The following C10orf143 variants were observed in gnomAD, a reference collection of about 807,000 sequenced individuals.
C10orf143 encodes the protein chromosome 10 open reading frame 143, also known as uncharacterized protein C10orf143.
intron 1 of C10orf143, 112 bp downstream of exon 1, chr10:130,110,592 G>C (rs1195627896): frequency 5.0e-6 from 2 of 397,764 alleles, no homozygotes; most frequent in Non-Finnish European, 8.9e-6. Context: ...CGAGTGTCTT[G>C]GGCCAGGCCT....
intron 3 of C10orf143, among the ~76,000 whole-genome samples, chr10:130,076,958 G>A (rs1251644612): frequency 2.0e-5 from 3 of 152,090 alleles, no homozygotes; most frequent in Admixed American, 6.5e-5. Context: ...AGGAGCGGAC[G>A]CCCTGATGCT....
chr10:130,095,455 A>G (rs1861447257), intron 1 of C10orf143, among the ~76,000 whole-genome samples: 1 of 152,232 alleles, frequency 6.6e-6, no homozygotes, highest in African/African-American at 2.4e-5. Flanking sequence ...TAAATTTCAT[A>G]TGGAACCAAA....
In C10orf143 at chr10:130,046,623, C is replaced by T. The variant is rs117594167; in HGVS notation, c.298-10653G>A. Among the ~76,000 whole-genome samples the T allele has an allele frequency of 3.5e-3, 536 of 152,206 alleles. 4 individuals carry two copies. Among genetic ancestry groups the T allele is most frequent in the Non-Finnish European group, 5.1e-3 (346 of 67,998 alleles). On this transcript the variant is annotated intron_variant and NMD_transcript_variant, in intron 3 of 5. Coordinates refer to the C10orf143 transcript ENST00000643056. ...ATAGATCAAATGGTGGTGGTCTCTC[C>T]GGGGAAACACACTTCAGATAGGAAG...
chr10:130,083,899 G>A (rs532325774), intron 1 of C10orf143, among the ~76,000 whole-genome samples: 1 of 152,000 alleles, frequency 6.6e-6, no homozygotes, highest in Non-Finnish European at 1.5e-5. Flanking sequence ...AAAAATGTAA[G>A]TAAACCAAGA....
At chr10:130,078,755 A>G (rs779530393) in intron 3 of C10orf143, among the ~76,000 whole-genome samples, 2 of 152,234 alleles carry the variant, frequency 1.3e-5, no homozygotes, top group Non-Finnish European at 2.9e-5. Context: ...CAGTATGTCA[A>G]TTGAGGATCT....
At chr10:130,036,320 G>A (rs970914715) in intron 3 of C10orf143, among the ~76,000 whole-genome samples, 1 of 152,180 alleles carries the variant, frequency 6.6e-6, no homozygotes, top group South Asian at 2.1e-4. Flanking sequence ...GGTCTTCCAG[G>A]CCCGATAGGT....
At chr10:130,054,611 C>T (rs968682124) in intron 3 of C10orf143, among the ~76,000 whole-genome samples, 2 of 152,190 alleles carry the variant, frequency 1.3e-5, no homozygotes, top group Non-Finnish European at 2.9e-5. Flanking sequence ...TTTTCCATAG[C>T]GGCTGCACCA....
At chr10:130,060,815 T>C (rs1590011684), downstream of C10orf143, among the ~76,000 whole-genome samples, 3 of 71,224 alleles carry the variant, frequency 4.2e-5, no homozygotes, top group African/African-American at 6.0e-5. Flanking sequence ...AGAGCGAGAC[T>C]CCGTCTCAAA....
Position 130,058,220 on chromosome 10 carries a change from C to T in C10orf143, c.297+21346G>A, listed in dbSNP as rs180866619. ...TAACCAGACACCCACCCCTACTCCACCACCCCACAATCCATGTGCAGTTCT... is the reference window on the plus strand; with the variant it reads ...TAACCAGACACCCACCCCTACTCCATCACCCCACAATCCATGTGCAGTTCT... On this transcript the variant is annotated intron_variant and NMD_transcript_variant, in intron 3 of 5. Transcript: ENST00000643056. Among the ~76,000 whole-genome samples the T allele has an allele frequency of 1.0e-3, 154 of 152,266 alleles. No individual in the cohort carries two copies. The Middle Eastern group carries it at 0.01, about 10-fold the overall frequency.
Position 130,039,429 on chromosome 10 carries a change from G to A in C10orf143, c.298-3459C>T, listed in dbSNP as rs555097404. On this transcript the variant is annotated intron_variant and NMD_transcript_variant, in intron 3 of 5. Coordinates refer to the C10orf143 transcript ENST00000643056. Reference sequence around the variant, plus strand: ...TGGAAAACCAGGAGCACCAGCATCCGAGGGCAGGAGAAGATGGGCAGCCCA... The same window carrying A: ...TGGAAAACCAGGAGCACCAGCATCCAAGGGCAGGAGAAGATGGGCAGCCCA... Among the ~76,000 whole-genome samples, 304 of 152,168 alleles carry A rather than the reference G, an allele frequency of 2.0e-3. 3 individuals are homozygous for A. Among genetic ancestry groups the A allele is most frequent in the African/African-American group, 6.9e-3 (288 of 41,528 alleles).
In C10orf143 at chr10:130,056,366, T is replaced by C. The variant is rs1860795531; in HGVS notation, c.298-20396A>G. On this transcript the variant is annotated intron_variant and NMD_transcript_variant, in intron 3 of 5. Transcript: ENST00000643056. The surrounding 1 kb of genome is among the most constrained non-coding windows in gnomAD (Gnocchi z 4.6). ...ATGAGCAGGATGAGGGCAGCACCCC[T>C]GAGAGCCGCTGCATGCACAGGGCTC... Among the ~76,000 whole-genome samples, 1 of 152,110 alleles carries C rather than the reference T, an allele frequency of 6.6e-6. No individual in the cohort carries two copies. The highest frequency in any genetic ancestry group is 1.5e-5 in the Non-Finnish European group (1 of 68,012).
At chr10:130,040,276 G>A (rs758278414) in intron 3 of C10orf143, among the ~76,000 whole-genome samples, 4 of 152,176 alleles carry the variant, frequency 2.6e-5, no homozygotes, top group Non-Finnish European at 4.4e-5. Flanking sequence ...AAAGAGCACC[G>A]AGGACCATAT....
intron 1 of C10orf143, chr10:130,107,418 C>A: frequency 8.2e-7 from 1 of 1,219,854 alleles, no homozygotes; most frequent in Non-Finnish European, 1.2e-6. Context: ...GAGAAAAAGG[C>A]ACATCATAAC....
chr10:130,089,221 A>T (rs1456333653), intron 1 of C10orf143, among the ~76,000 whole-genome samples: 1 of 152,236 alleles, frequency 6.6e-6, no homozygotes, highest in Admixed American at 6.5e-5. Flanking sequence ...CTTGTTGAGG[A>T]TTAATTTTAG....
chr10:130,072,731 T>C (rs1861053812), intron 3 of C10orf143, among the ~76,000 whole-genome samples: 2 of 152,222 alleles, frequency 1.3e-5, no homozygotes, highest in Non-Finnish European at 2.9e-5. Context: ...GTCACACAAA[T>C]TTTTTGGTTT....
chr10:130,110,814 C>G lies in C10orf143; in HGVS notation c.-42G>C, dbSNP rs986086853. 1 of 398,862 alleles carries G rather than the reference C, an allele frequency of 2.5e-6. No homozygotes were observed. The highest frequency in any genetic ancestry group is 3.6e-5 in the East Asian group (1 of 28,072). The allele number at this position is 398,862 out of a possible 1,614,324, so 24.7% of individuals were successfully genotyped here. On this transcript the variant is annotated 5_prime_UTR_variant, in exon 1 of 4. Transcript: ENST00000637128. ...ACCCTCCCGGCATCTCAGGCCTGGCCGAGGCCCGCGCACCACGCCCCCTTC... is the reference window on the plus strand; with the variant it reads ...ACCCTCCCGGCATCTCAGGCCTGGCGGAGGCCCGCGCACCACGCCCCCTTC...
chr10:130,096,215 A>G (rs1038187253), intron 1 of C10orf143, among the ~76,000 whole-genome samples: 4 of 152,178 alleles, frequency 2.6e-5, no homozygotes, highest in Non-Finnish European at 4.4e-5. Context: ...TGGTCATTAG[A>G]GAGATGCAAA....
At chr10:130,081,093 G>A (rs891950302) in intron 1 of C10orf143, among the ~76,000 whole-genome samples, 4 of 152,134 alleles carry the variant, frequency 2.6e-5, no homozygotes, top group African/African-American at 9.7e-5. Flanking sequence ...CAACTATACA[G>A]ATGTACTTAA....
intron 1 of C10orf143, among the ~76,000 whole-genome samples, chr10:130,085,574 C>A (rs1861278987): frequency 6.6e-6 from 1 of 152,124 alleles, no homozygotes; most frequent in South Asian, 2.1e-4. Flanking sequence ...TGGGTTAGAT[C>A]TTGCAACAGA....
Sources: allele counts gnomAD v4.1 joint callset (sites outside exome capture counted in the v4.1 genomes callset), GRCh38; gene constraint gnomAD v4.1.1; non-coding constraint Gnocchi (gnomAD v3.1); transcripts MANE v1.5; gene names NCBI Gene and HGNC (gene_info 2026-07-23, HGNC 2026-07-21).